CAMK2B: variants seen among roughly 807,000 people sequenced by gnomAD.
CAMK2B encodes the protein calcium/calmodulin-dependent protein kinase type II subunit beta.
CAMK2B carries 27 observed loss-of-function variants against 93.7 expected under a neutral mutation model. The observed-to-expected ratio is 0.29, with a 90% CI of 0.21 to 0.40. CAMK2B has a LOEUF of 0.40. Ranked by LOEUF, CAMK2B falls within the 10% of genes least tolerant of loss-of-function variation. The pLI is 1.00. For synonymous variants in CAMK2B, 374 were observed against 358.8 expected (o/e 1.04, Z -0.48); for missense variants, 568 against 895.8 (o/e 0.63, Z 4.67).
At chr7:44,232,048 G>A (rs528656410) in intron 16 of CAMK2B, among the ~76,000 whole-genome samples, 127 of 152,318 alleles carry the variant, frequency 8.3e-4, no homozygotes, top group African/African-American at 2.9e-3. Context: ...CCCATCCCCA[G>A]CTGCCAGATG....
chr7:44,298,670 G>A (rs1033589890), intron 1 of CAMK2B, among the ~76,000 whole-genome samples: 7 of 152,130 alleles, frequency 4.6e-5, no homozygotes, highest in South Asian at 4.2e-4. Context: ...ACTACTAAAC[G>A]TCAATAACAA....
intron 4 of CAMK2B, among the ~76,000 whole-genome samples, chr7:44,256,856 T>C (rs1311971546): frequency 6.6e-6 from 1 of 152,064 alleles, no homozygotes; most frequent in African/African-American, 2.4e-5. Context: ...CATCTAGTGG[T>C]TCAGTTTCAG....
At chr7:44,262,491 G>T (rs1200772172) in intron 3 of CAMK2B, among the ~76,000 whole-genome samples, 1 of 152,230 alleles carries the variant, frequency 6.6e-6, no homozygotes, top group Non-Finnish European at 1.5e-5. Context: ...CCCGAGAACA[G>T]CATGTGCTGG....
intron 16 of CAMK2B, among the ~76,000 whole-genome samples, chr7:44,231,830 G>A (rs1016553766): frequency 6.6e-6 from 1 of 152,214 alleles, no homozygotes; most frequent in African/African-American, 2.4e-5. Flanking sequence ...TCCCCAGGAG[G>A]CCTGCTCTGC....
intron 6 of CAMK2B, among the ~76,000 whole-genome samples, chr7:44,246,429 A>G (rs1185505413): frequency 6.6e-6 from 1 of 152,082 alleles, no homozygotes; most frequent in Admixed American, 6.5e-5. Context: ...ACATGTACAC[A>G]CATGCCCACA....
At chr7:44,246,905 C>T (rs1266348635) in intron 6 of CAMK2B, among the ~76,000 whole-genome samples, 2 of 152,082 alleles carry the variant, frequency 1.3e-5, no homozygotes, top group Non-Finnish European at 2.9e-5. Context: ...CATGCACGCA[C>T]ATATGCACAC....
intron 3 of CAMK2B, among the ~76,000 whole-genome samples, chr7:44,260,044 G>A (rs2096866914): frequency 6.6e-6 from 1 of 152,208 alleles, no homozygotes; most frequent in South Asian, 2.1e-4. Flanking sequence ...CACTGCACCA[G>A]CCTTATTCCC....
chr7:44,233,749 G>C (rs2096600594), intron 15 of CAMK2B, among the ~76,000 whole-genome samples: 1 of 152,162 alleles, frequency 6.6e-6, no homozygotes, highest in Admixed American at 6.5e-5. Context: ...AGCATGGTGG[G>C]GACCCCTCCC....
rs1315842052 is a variant in CAMK2B, at chr7:44,313,981, ATTAGGGGAGG to A, written c.65+11366_65+11375del. 2.6e-5 allele frequency among the ~76,000 whole-genome samples: 4 copies of A among 152,090 alleles called. No individual in the cohort carries two copies. In the East Asian group the frequency reaches 7.8e-4, roughly 30 times the overall value. On this transcript the variant is annotated intron_variant, in intron 1 of 23. Transcript: ENST00000395749. Reference sequence around the variant, plus strand: ...CCGCATTTCTGCTGGGGTCCTGAAGATTAGGGGAGGCCGCCCACCCTGAGCCAGGCATTGG... The same window carrying A: ...CCGCATTTCTGCTGGGGTCCTGAAGACCGCCCACCCTGAGCCAGGCATTGG...
rs2129009991 is a variant in CAMK2B at position 44,253,883 on chromosome 7, C to T, written c.341+659G>A. Reference sequence around the variant, plus strand: ...AAAATGTTAGGATTACAGGTGTGAGCTACCATGCCTGGCCTCAGTTTTTTT... The same window carrying T: ...AAAATGTTAGGATTACAGGTGTGAGTTACCATGCCTGGCCTCAGTTTTTTT... On this transcript the variant is annotated intron_variant, in intron 5 of 23. Transcript: ENST00000395749. Among the ~76,000 whole-genome samples the T allele has an allele frequency of 1.3e-5, 2 of 151,380 alleles. 1 individual carries two copies. Among genetic ancestry groups the T allele is most frequent in the South Asian group, 4.2e-4 (2 of 4,794 alleles).
intron 1 of CAMK2B, among the ~76,000 whole-genome samples, chr7:44,320,096 T>G (rs1277562025): frequency 1.3e-5 from 2 of 152,206 alleles, no homozygotes; most frequent in Non-Finnish European, 2.9e-5. Context: ...TGTGTCTGTG[T>G]GTGTTTTACA....
At chr7:44,236,704 C>T (rs1033647492) in intron 13 of CAMK2B, among the ~76,000 whole-genome samples, 5 of 152,220 alleles carry the variant, frequency 3.3e-5, no homozygotes, top group Non-Finnish European at 2.9e-5. Context: ...CCAGGACCCC[C>T]ACAGTCCCCT....
At chr7:44,314,241 T>C (rs1005963112) in intron 1 of CAMK2B, among the ~76,000 whole-genome samples, 4 of 152,234 alleles carry the variant, frequency 2.6e-5, no homozygotes, top group Admixed American at 2.0e-4. Context: ...TTTATAACAT[T>C]TTCATCACTT....
At position 44,228,752 on chromosome 7, in the gene CAMK2B, G is replaced by C; in HGVS notation, c.1468+44C>G. ...GCTGAGCGCCGGCCATTCGCAGGGA[G>C]CTGTCCGGCAGCAGAGGCGGCAGGC... On this transcript the variant is annotated intron_variant, in intron 19 of 23. Coordinates refer to ENST00000395749, the MANE Select transcript of CAMK2B (RefSeq NM_001220.5). 2.1e-6 allele frequency: 3 copies of C among 1,427,148 alleles called. No homozygotes were observed. The South Asian group carries it at 4.6e-5, about 22-fold the overall frequency. The allele number at this position is 1,427,148 out of a possible 1,614,324, so 88.4% of individuals were successfully genotyped here.
At chr7:44,262,538 CCA>C (rs2096887984) in intron 3 of CAMK2B, among the ~76,000 whole-genome samples, 1 of 152,214 alleles carries the variant, frequency 6.6e-6, no homozygotes, top group Non-Finnish European at 1.5e-5. Context: ...TGTAATTGGG[CCA>C]TCTTGTGGCT....
chr7:44,232,345 C>T (rs1385329391), intron 16 of CAMK2B, among the ~76,000 whole-genome samples: 1 of 152,206 alleles, frequency 6.6e-6, no homozygotes, highest in Non-Finnish European at 1.5e-5. Flanking sequence ...CAGCCCCTTC[C>T]CTGGCCCCAG....
intron 18 of CAMK2B, 58 bp downstream of exon 18, chr7:44,229,330 T>C: frequency 8.1e-7 from 1 of 1,238,236 alleles, no homozygotes; most frequent in South Asian, 1.4e-5. Flanking sequence ...GTGGCCCCTC[T>C]AGGGGGTTGC....
intron 17 of CAMK2B, 112 bp downstream of exon 17, chr7:44,230,894 T>C: frequency 1.1e-6 from 1 of 873,962 alleles, no homozygotes; most frequent in Non-Finnish European, 1.8e-6. Context: ...CCTCAACACA[T>C]GCATAAACTA....
intron 13 of CAMK2B, among the ~76,000 whole-genome samples, chr7:44,235,339 C>G (rs1191899656): frequency 1.3e-5 from 2 of 152,248 alleles, no homozygotes; most frequent in African/African-American, 2.4e-5. Context: ...GGGGCCAGCA[C>G]AGGCCTTTCT....
Sources: gnomAD v4.1 joint callset for allele counts (sites outside exome capture counted in the v4.1 genomes callset) on GRCh38, gnomAD v4.1.1 for gene constraint, MANE v1.5 for transcripts, NCBI Gene and HGNC (gene_info 2026-07-23, HGNC 2026-07-21) for gene names.